The following FAR2 variants were observed in gnomAD, a reference collection of about 807,000 sequenced individuals.
The protein encoded by FAR2 is fatty acyl-CoA reductase 2.
In FAR2, 19 loss-of-function variants were observed where a neutral mutation model predicts 56.0. That is an observed-to-expected ratio of 0.34 (90% CI 0.24 to 0.50). The LOEUF (loss-of-function observed/expected upper bound fraction) is 0.50, where lower values mean the gene tolerates loss of function less well. Among genes scored for constraint, FAR2 ranks in the 20% least tolerant of loss-of-function variants. FAR2 has a pLI of 0.98. For missense variants in FAR2, 508 were observed against 642.2 expected, an observed-to-expected ratio of 0.79 and a Z score of 2.26; for synonymous variants, 219 against 218.8, an observed-to-expected ratio of 1.00 and a Z score of -0.01.
At chr12:29,194,205 T>A (rs1412924625) in intron 1 of FAR2, among the ~76,000 whole-genome samples, 1 of 152,126 alleles carries the variant, frequency 6.6e-6, no homozygotes, top group East Asian at 1.9e-4. Flanking sequence ...AAACAAAAAG[T>A]CAAGATGTCT....
intron 4 of FAR2, among the ~76,000 whole-genome samples, chr12:29,306,795 G>T (rs141700235): frequency 2.4e-4 from 37 of 152,294 alleles, no homozygotes; most frequent in Admixed American, 1.6e-3. Context: ...ACATTATCTT[G>T]TAAGTAGGAG....
rs1565529654 is a variant in FAR2, at chr12:29,332,713, G to A, written c.1371G>A (p.Lys457=). Residue 457 remains lysine, a synonymous_variant, in exon 11 of 12, where the codon AAG becomes AAA. Transcript: ENST00000536681. ...KEDMAGIPKA[K]QRLKRLRNIH... is the part of the protein sequence containing the mutation. ...ATATGGCTGGGATCCCAAAAGCAAA[G>A]CAACGCTTAAAAAGGTAAGTATAAT... The A allele has an allele frequency of 2.5e-6, 4 of 1,613,206 alleles. No homozygotes were observed. Among genetic ancestry groups the A allele is most frequent in the Non-Finnish European group, 3.4e-6 (4 of 1,179,628 alleles).
chr12:29,186,821 C>T (rs1001287444), intron 1 of FAR2, among the ~76,000 whole-genome samples: 18 of 151,732 alleles, frequency 1.2e-4, no homozygotes, highest in Middle Eastern at 3.2e-3. Context: ...CGGAGTCTCG[C>T]TCTGTCGCCC....
intron 1 of FAR2, among the ~76,000 whole-genome samples, chr12:29,176,527 T>A (rs1354142884): frequency 6.6e-6 from 1 of 152,246 alleles, no homozygotes; most frequent in Non-Finnish European, 1.5e-5. Context: ...TTGAGAAAAT[T>A]GTTTATATTA....
intron 2 of FAR2, among the ~76,000 whole-genome samples, chr12:29,285,914 A>T (rs1237304232): frequency 6.6e-6 from 1 of 152,040 alleles, no homozygotes; most frequent in African/African-American, 2.4e-5. Context: ...CTTCAGTCTT[A>T]AAAAAAGCTT....
intron 1 of FAR2, among the ~76,000 whole-genome samples, chr12:29,175,077 A>G (rs1325352353): frequency 3.3e-5 from 5 of 152,188 alleles, no homozygotes; most frequent in Admixed American, 2.0e-4. Flanking sequence ...TGGCAGCTGC[A>G]CTAGTCACTT....
chr12:29,242,277 C>G (rs926654417), intron 1 of FAR2, among the ~76,000 whole-genome samples: 2 of 152,228 alleles, frequency 1.3e-5, no homozygotes, highest in Admixed American at 6.5e-5. Flanking sequence ...TGTTAATCCA[C>G]TTCTCTTTTT....
chr12:29,276,385 T>C (rs1441292299), intron 2 of FAR2, among the ~76,000 whole-genome samples: 2 of 152,188 alleles, frequency 1.3e-5, no homozygotes, highest in Admixed American at 1.3e-4. Flanking sequence ...AAAACACATC[T>C]ACGGTAGATC....
chr12:29,234,715 A>T (rs1021006523), intron 1 of FAR2, among the ~76,000 whole-genome samples: 1 of 152,122 alleles, frequency 6.6e-6, no homozygotes, highest in African/African-American at 2.4e-5. Context: ...TACAGCTATT[A>T]TCTCTGCCTA....
rs558432601 is a variant in FAR2 at position 29,271,833 on chromosome 12, T to G, written c.189+1195T>G. 2.0e-5 allele frequency among the ~76,000 whole-genome samples: 3 copies of G among 152,290 alleles called. No homozygotes were observed. The South Asian group carries it at 6.2e-4, about 32-fold the overall frequency. ...GTATCTTTGCAATAACCCTGTGAAG[T>G]AAGAACCATTACTATTCTCATTTTA... On this transcript the variant is annotated intron_variant, in intron 2 of 11. Coordinates refer to ENST00000536681, the MANE Select transcript of FAR2 (RefSeq NM_001271783.2).
intron 1 of FAR2, among the ~76,000 whole-genome samples, chr12:29,254,756 A>G (rs1423152884): frequency 1.3e-5 from 2 of 152,156 alleles, no homozygotes; most frequent in African/African-American, 4.8e-5. Context: ...GTTCGAGACT[A>G]GCGTGGCCAA....
At chr12:29,248,773 G>A (rs1005243929) in intron 1 of FAR2, among the ~76,000 whole-genome samples, 5 of 152,160 alleles carry the variant, frequency 3.3e-5, no homozygotes, top group East Asian at 1.9e-4. Flanking sequence ...CACGCCCAGC[G>A]GGGCCAGTTT....
At chr12:29,271,989 C>T (rs989910172) in intron 2 of FAR2, among the ~76,000 whole-genome samples, 2 of 152,186 alleles carry the variant, frequency 1.3e-5, no homozygotes, top group Non-Finnish European at 2.9e-5. Flanking sequence ...ACACTGCCTT[C>T]GGGATAACTA....
chr12:29,312,049 A>G, intron 8 of FAR2, 99 bp downstream of exon 8: 1 of 777,294 alleles, frequency 1.3e-6, no homozygotes, highest in Non-Finnish European at 2.1e-6. Flanking sequence ...TATGGGGAGA[A>G]AGACAAAAAG....
At chr12:29,182,904 G>A (rs1565684467) in intron 1 of FAR2, among the ~76,000 whole-genome samples, 1 of 151,194 alleles carries the variant, frequency 6.6e-6, no homozygotes, top group South Asian at 2.1e-4. Flanking sequence ...CCCTTCAGGA[G>A]GAATTTTCAG....
intron 2 of FAR2, among the ~76,000 whole-genome samples, chr12:29,274,740 C>T (rs1948678334): frequency 6.6e-6 from 1 of 151,870 alleles, no homozygotes; most frequent in South Asian, 2.1e-4. Context: ...GGCTCAAAAT[C>T]TCCGCCACTG....
At chr12:29,276,532 T>A (rs1948706129) in intron 2 of FAR2, among the ~76,000 whole-genome samples, 1 of 152,184 alleles carries the variant, frequency 6.6e-6, no homozygotes. Context: ...TAAAGAGATT[T>A]TCCATGGAAA....
rs1949016029 is a variant in FAR2 at position 29,293,999 on chromosome 12, C to A, written c.365+524C>A. Among the ~76,000 whole-genome samples, 3 of 152,132 alleles carry A rather than the reference C, an allele frequency of 2.0e-5. 1 individual carries two copies. The South Asian group carries it at 6.2e-4, about 32-fold the overall frequency. ...AGAAGTACAATTATCAGATACATAT[C>A]AGATGTTACCCAGGTTATGAACAGT... On this transcript the variant is annotated intron_variant, in intron 3 of 11. Transcript: ENST00000536681.
chr12:29,298,677 C>A (rs1298629924), intron 4 of FAR2, among the ~76,000 whole-genome samples: 1 of 152,114 alleles, frequency 6.6e-6, no homozygotes, highest in East Asian at 1.9e-4. Context: ...AAAGTCTAGA[C>A]AATAAAGTAT....
Sources: gnomAD v4.1 joint callset for allele counts (sites outside exome capture counted in the v4.1 genomes callset) on GRCh38, gnomAD v4.1.1 for gene constraint, MANE v1.5 for transcripts, NCBI Gene and HGNC (gene_info 2026-07-23, HGNC 2026-07-21) for gene names.